The following IL1RAPL1 variants were observed in gnomAD, a reference collection of about 807,000 sequenced individuals.
The protein encoded by IL1RAPL1 is interleukin 1 receptor accessory protein like 1.
IL1RAPL1 carries 3 observed loss-of-function variants against 48.4 expected under a neutral mutation model. The ratio of observed to expected loss-of-function variants is 0.06; its 90% CI spans 0.03 to 0.16. The LOEUF is 0.16. IL1RAPL1 is among the 10% of genes least tolerant of loss of function. The pLI, the probability that IL1RAPL1 is intolerant of heterozygous loss-of-function variation, is 1.00. For synonymous variants in IL1RAPL1, 185 were observed against 187.7 expected, an observed-to-expected ratio of 0.99 and a Z score of 0.12; for missense variants, 349 against 530.6, an observed-to-expected ratio of 0.66 and a Z score of 3.36.
At chrX:29,246,512 A>G (rs1931516796) in intron 2 of IL1RAPL1, among the ~76,000 whole-genome samples, 1 of 111,055 alleles carries the variant, frequency 9.0e-6, no homozygotes, top group South Asian at 3.8e-4. Context: ...AATGATTGCC[A>G]TGGAATTTTT....
At chrX:29,560,030 C>T (rs944845949) in intron 5 of IL1RAPL1, among the ~76,000 whole-genome samples, 1 of 111,387 alleles carries the variant, frequency 9.0e-6, no homozygotes, top group African/African-American at 3.3e-5. Flanking sequence ...TAACAAGTGT[C>T]CTTTTATTTA....
At chrX:28,949,474 G>T (rs184265043) in intron 2 of IL1RAPL1, among the ~76,000 whole-genome samples, 1 of 111,607 alleles carries the variant, frequency 9.0e-6, no homozygotes, top group Non-Finnish European at 1.9e-5. Flanking sequence ...TATACTGTCT[G>T]TGGCTATTTT....
intron 6 of IL1RAPL1, among the ~76,000 whole-genome samples, chrX:29,821,223 G>T (rs183200076): frequency 1.5e-4 from 17 of 111,182 alleles, no homozygotes; most frequent in Non-Finnish European, 2.6e-4. Context: ...GCCGAGGCAG[G>T]CGGATCACGA....
chrX:28,617,117 TGGA>T lies in IL1RAPL1; in HGVS notation c.-25+29079_-25+29081del, dbSNP rs903187506. 3.6e-5 allele frequency among the ~76,000 whole-genome samples: 4 copies of T among 112,239 alleles called. No individual in the cohort carries two copies. In the Admixed American group the frequency reaches 3.8e-4, roughly 11 times the overall value. ...AAAACAAAACCAACAGTAATAATGT[TGGA>T]GGAGGAGGCAGTGGAAAGGAACAGA... is the stretch of plus-strand genomic sequence containing the variant. On this transcript the variant is annotated intron_variant, in intron 1 of 10. Coordinates refer to ENST00000378993, the MANE Select transcript of IL1RAPL1 (RefSeq NM_014271.4).
chrX:28,900,627 T>C lies in IL1RAPL1; in HGVS notation c.82+111202T>C, dbSNP rs769247275. 1.1e-4 allele frequency among the ~76,000 whole-genome samples: 12 copies of C among 112,462 alleles called. No individual in the cohort carries two copies. The South Asian group carries it at 2.6e-3, about 24-fold the overall frequency. ...TTGACAATGTTTTAAAAGTATCAAA[T>C]GATAAAACCTTTTTCTAGTATGCTC... On this transcript the variant is annotated intron_variant, in intron 2 of 10. Transcript: ENST00000378993.
At chrX:29,626,139 T>C (rs998562609) in intron 5 of IL1RAPL1, among the ~76,000 whole-genome samples, 2 of 112,365 alleles carry the variant, frequency 1.8e-5, no homozygotes, top group African/African-American at 6.5e-5. Context: ...GCTTCCTAAA[T>C]GTTATATTTT....
chrX:29,025,453 C>G (rs1404407795), intron 2 of IL1RAPL1, among the ~76,000 whole-genome samples: 3 of 111,503 alleles, frequency 2.7e-5, no homozygotes, highest in Non-Finnish European at 5.6e-5. Flanking sequence ...CTTTGTAGAT[C>G]TTAAATATGA....
intron 8 of IL1RAPL1, among the ~76,000 whole-genome samples, chrX:29,929,666 T>TA (rs1932923905): frequency 9.0e-6 from 1 of 111,584 alleles, no homozygotes; most frequent in African/African-American, 3.3e-5. Context: ...AGTACCGACT[T>TA]ACAATGGTTG....
intron 5 of IL1RAPL1, among the ~76,000 whole-genome samples, chrX:29,496,314 T>A (rs1569324047): frequency 9.0e-6 from 1 of 110,851 alleles, no homozygotes; most frequent in African/African-American, 3.3e-5. Context: ...TGAGTTGTAA[T>A]CTCCAATGCT....
chrX:29,826,642 G>T (rs970208994), intron 6 of IL1RAPL1, among the ~76,000 whole-genome samples: 7 of 111,526 alleles, frequency 6.3e-5, no homozygotes, highest in South Asian at 3.7e-4. Flanking sequence ...CGTACATGTG[G>T]TTTTTTGTGT....
At chrX:29,803,539 A>C (rs181367730) in intron 6 of IL1RAPL1, among the ~76,000 whole-genome samples, 998 of 99,520 alleles carry the variant, frequency 0.01, 12 homozygotes, top group African/African-American at 0.034. Context: ...ATGTATACAT[A>C]TATGTATATG....
intron 5 of IL1RAPL1, among the ~76,000 whole-genome samples, chrX:29,476,872 C>CTTTTTTTTTTTTTTTTTTTTTTTTTTTT (rs1198120274): frequency 1.9e-5 from 1 of 53,934 alleles, no homozygotes; most frequent in African/African-American, 1.4e-4. Context: ...TACCCATATT[C>CTTTTTTTTTTTTTTTTTTTTTTTTTTTT]TTTTTTTTTT....
chrX:29,328,789 T>C (rs1213444122), intron 3 of IL1RAPL1, among the ~76,000 whole-genome samples: 2 of 110,286 alleles, frequency 1.8e-5, no homozygotes, highest in Non-Finnish European at 3.8e-5. Flanking sequence ...CTATTCAAAG[T>C]AGTTATGTCT....
intron 2 of IL1RAPL1, among the ~76,000 whole-genome samples, chrX:28,807,233 T>G (rs914175704): frequency 2.0e-4 from 22 of 111,660 alleles, no homozygotes; most frequent in African/African-American, 6.5e-4. Flanking sequence ...AAACTCTGTG[T>G]AATAATGTTC....
rs191571649 is a variant in IL1RAPL1 at position 29,803,071 on chromosome X, G to A, written c.779-114393G>A. On this transcript the variant is annotated intron_variant, in intron 6 of 10. Transcript: ENST00000378993. ...TATGTGTACATATATATGTATGCATGTATACATATATGTGTATATGTATAC... is the reference window on the plus strand; with the variant it reads ...TATGTGTACATATATATGTATGCATATATACATATATGTGTATATGTATAC... Among the ~76,000 whole-genome samples, 566 of 81,861 alleles carry A rather than the reference G, an allele frequency of 6.9e-3. 11 individuals are homozygous for A. The highest frequency in any genetic ancestry group is 0.063 in the East Asian group (157 of 2,505). 71.1% of individuals were successfully genotyped at this position (81,861 alleles called of 115,157 possible). A position where few individuals can be genotyped will look rare whatever the true frequency, so the allele number is the denominator to read the frequency against.
intron 3 of IL1RAPL1, among the ~76,000 whole-genome samples, chrX:29,381,673 A>G (rs1408166164): frequency 9.6e-6 from 1 of 104,703 alleles, no homozygotes; most frequent in Non-Finnish European, 1.9e-5. Context: ...AAACTTATCC[A>G]GATGTGGTGG....
At chrX:28,784,002 G>C (rs1936449043) in intron 1 of IL1RAPL1, among the ~76,000 whole-genome samples, 1 of 111,704 alleles carries the variant, frequency 9.0e-6, no homozygotes, top group Non-Finnish European at 1.9e-5. Flanking sequence ...TCTGCATCAT[G>C]ATAGGCACTC....
At chrX:29,464,032 G>A (rs1234074648) in intron 5 of IL1RAPL1, among the ~76,000 whole-genome samples, 1 of 111,805 alleles carries the variant, frequency 8.9e-6, no homozygotes, top group Non-Finnish European at 1.9e-5. Flanking sequence ...CCTGAGAGGT[G>A]CCAAGTGAGA....
At chrX:29,578,764 G>A (rs1187058382) in intron 5 of IL1RAPL1, among the ~76,000 whole-genome samples, 7 of 111,961 alleles carry the variant, frequency 6.3e-5, no homozygotes, top group Non-Finnish European at 1.1e-4. Flanking sequence ...TCAAAAAGAT[G>A]GGAAGTGATA....
Sources: gnomAD v4.1 joint callset for allele counts (sites outside exome capture counted in the v4.1 genomes callset) on GRCh38, gnomAD v4.1.1 for gene constraint, MANE v1.5 for transcripts, NCBI Gene and HGNC (gene_info 2026-07-23, HGNC 2026-07-21) for gene names.